The following ALG9 variants were observed in gnomAD, a reference collection of about 807,000 sequenced individuals.
ALG9 encodes the protein ALG9 alpha-1,2-mannosyltransferase.
Under a neutral mutation model 81.8 loss-of-function variants are expected in ALG9, and 55 were observed. That is an observed-to-expected ratio of 0.67 (90% CI 0.54 to 0.84). The LOEUF (loss-of-function observed/expected upper bound fraction) is 0.84, where lower values mean the gene tolerates loss of function less well. ALG9 is among the 40% of genes least tolerant of loss of function. ALG9 has a pLI of 0.00. For missense variants in ALG9, 629 were observed against 745.0 expected (o/e 0.84, Z 1.81); for synonymous variants, 278 against 274.3 (o/e 1.01, Z -0.13).
intron 14 of ALG9, among the ~76,000 whole-genome samples, chr11:111,796,699 GA>G (rs1948341091): frequency 6.6e-6 from 1 of 152,134 alleles, no homozygotes; most frequent in Non-Finnish European, 1.5e-5. Flanking sequence ...GATAGACAGT[GA>G]AACAGAAAGT....
At chr11:111,818,680 C>T (rs1951878689) in intron 13 of ALG9, among the ~76,000 whole-genome samples, 1 of 152,162 alleles carries the variant, frequency 6.6e-6, no homozygotes, top group Non-Finnish European at 1.5e-5. Context: ...CAATTATATT[C>T]TATTAATTAA....
At chr11:111,868,475 G>T in intron 3 of ALG9, 127 bp downstream of exon 3, 1 of 1,204,692 alleles carries the variant, frequency 8.3e-7, no homozygotes, top group Non-Finnish European at 1.2e-6. Flanking sequence ...TGGTGAATTG[G>T]ATAAATGATT....
At position 111,870,373 on chromosome 11, in the gene ALG9, GTTC is replaced by G; in HGVS notation, c.132-6_132-4del. 1 of 537,506 alleles carries G rather than the reference GTTC, an allele frequency of 1.9e-6. No individual in the cohort carries two copies. Among genetic ancestry groups the G allele is most frequent in the Non-Finnish European group, 2.8e-6 (1 of 363,548 alleles). 33.3% of individuals were successfully genotyped at this position (537,506 alleles called of 1,614,324 possible). ...GTCCTGCTTTGTTCCCAGATAACCT[GTTC>G]AAAAGCAAAAAAAAAAAAAAAAAAA... On this transcript the variant is annotated splice_region_variant and splice_polypyrimidine_tract_variant and intron_variant, in intron 1 of 14. Coordinates refer to ENST00000616540, the MANE Select transcript of ALG9 (RefSeq NM_024740.2).
intron 14 of ALG9, among the ~76,000 whole-genome samples, chr11:111,790,709 T>C (rs1947268476): frequency 6.6e-6 from 1 of 152,156 alleles, no homozygotes; most frequent in African/African-American, 2.4e-5. Flanking sequence ...ATGCAAATGG[T>C]TGATAAACAT....
intron 14 of ALG9, among the ~76,000 whole-genome samples, chr11:111,793,888 C>A (rs902486621): frequency 6.6e-6 from 1 of 152,014 alleles, no homozygotes; most frequent in Admixed American, 6.6e-5. Context: ...AAAACTCATA[C>A]AATAATGTCT....
At chr11:111,859,232 G>A (rs186885332) in intron 5 of ALG9, among the ~76,000 whole-genome samples, 90 of 152,244 alleles carry the variant, frequency 5.9e-4, no homozygotes, top group Non-Finnish European at 1.0e-4. Context: ...GGCCACGTGC[G>A]GTGGCTCACA....
intron 14 of ALG9, among the ~76,000 whole-genome samples, chr11:111,795,384 A>G (rs1414036592): frequency 2.0e-5 from 3 of 152,040 alleles, no homozygotes; most frequent in Non-Finnish European, 4.4e-5. Context: ...TAGAGTGGGG[A>G]GCTGGGGGGC....
At position 111,870,382 on chromosome 11, in the gene ALG9, CAA is replaced by C. The variant is rs60312459; in HGVS notation, c.132-14_132-13del. 0.082 allele frequency: 74,228 copies of C among 899,954 alleles called. 11 individuals carry two copies. Among genetic ancestry groups the C allele is most frequent in the East Asian group, 0.11 (1,790 of 16,736 alleles). The allele number at this position is 899,954 out of a possible 1,614,324, so 55.7% of individuals were successfully genotyped here. A position where few individuals can be genotyped will look rare whatever the true frequency, so the allele number is the denominator to read the frequency against. On this transcript the variant is annotated splice_polypyrimidine_tract_variant and intron_variant, in intron 1 of 14. Transcript: ENST00000616540. ...TGTTCCCAGATAACCTGTTCAAAAG[CAA>C]AAAAAAAAAAAAAAAAAAAAGCATG...
intron 14 of ALG9, chr11:111,788,709 T>C (rs1555067580): frequency 3.0e-6 from 1 of 332,686 alleles, no homozygotes; most frequent in African/African-American, 2.2e-5. Context: ...GCTGTGATCA[T>C]GCCACTACAC....
At chr11:111,843,688 A>G (rs1202257525) in intron 9 of ALG9, among the ~76,000 whole-genome samples, 1 of 152,204 alleles carries the variant, frequency 6.6e-6, no homozygotes, top group Non-Finnish European at 1.5e-5. Context: ...AAGAAATGAG[A>G]GGCACTAGAT....
rs782234377 is a variant in ALG9, at chr11:111,860,519, C to T, written c.565+28G>A. The T allele has an allele frequency of 1.0e-5, 16 of 1,595,488 alleles. 1 individual carries two copies. The Admixed American group carries it at 2.3e-4, about 23-fold the overall frequency. ...CTTTTACTTACCTGGTGATGACCTG[C>T]AATTCCCTCATCTGCCCTTTTACTT... On this transcript the variant is annotated intron_variant, in intron 5 of 14. Coordinates refer to ENST00000616540, the MANE Select transcript of ALG9 (RefSeq NM_024740.2).
intron 6 of ALG9, among the ~76,000 whole-genome samples, chr11:111,855,310 G>C (rs1328008875): frequency 6.6e-6 from 1 of 152,210 alleles, no homozygotes; most frequent in African/African-American, 2.4e-5. Flanking sequence ...CAACCTCCAT[G>C]ACATAAAGCA....
intron 11 of ALG9, 65 bp from the exon 12 acceptor site, chr11:111,837,680 C>T (rs1955546409): frequency 6.4e-7 from 1 of 1,559,362 alleles, no homozygotes; most frequent in Non-Finnish European, 8.8e-7. Context: ...TTTAATTATA[C>T]TGCTCATTAA....
intron 8 of ALG9, among the ~76,000 whole-genome samples, chr11:111,850,561 G>A (rs1957602475): frequency 6.6e-6 from 1 of 151,762 alleles, no homozygotes; most frequent in African/African-American, 2.4e-5. Flanking sequence ...ACAAAAATTA[G>A]CCAGGCATGG....
chr11:111,785,881 T>C lies in ALG9; in HGVS notation c.*516A>G, dbSNP rs1565546392. Reference sequence around the variant, plus strand: ...GCTGGAGGTGAAAAGGACATGTGGGTTGGCAACTAGGCTGTGTTCATTTTC... The same window carrying C: ...GCTGGAGGTGAAAAGGACATGTGGGCTGGCAACTAGGCTGTGTTCATTTTC... On this transcript the variant is annotated 3_prime_UTR_variant, in exon 15 of 15. Coordinates refer to ENST00000616540, the MANE Select transcript of ALG9 (RefSeq NM_024740.2). 5.3e-6 allele frequency: 2 copies of C among 374,048 alleles called. No homozygotes were observed. Among genetic ancestry groups the C allele is most frequent in the South Asian group, 2.0e-5 (1 of 49,284 alleles). 23.2% of individuals were successfully genotyped at this position (374,048 alleles called of 1,614,324 possible).
intron 14 of ALG9, among the ~76,000 whole-genome samples, chr11:111,799,601 C>G (rs1210234443): frequency 1.3e-5 from 2 of 152,090 alleles, no homozygotes; most frequent in African/African-American, 4.8e-5. Flanking sequence ...ATGGGCAAAT[C>G]CACATAGTAA....
rs782711099 is a variant in ALG9 at position 111,857,631 on chromosome 11, G to T, written c.672C>A (p.Ile224=). The change falls in exon 6 of 15, where the codon ATC becomes ATA. Residue 224 remains isoleucine (I), a synonymous_variant. Coordinates refer to ENST00000616540, the MANE Select transcript of ALG9 (RefSeq NM_024740.2). ...GAGCTGCACTGAATGGCCAGCCTAA[G>T]ATAGCCCCAGCTGCTACTCCCAGCA... ...IAVLGVAAGA[I]LGWPFSAALG... The T allele has an allele frequency of 1.9e-6, 3 of 1,614,148 alleles. No homozygotes were observed. The highest frequency in any genetic ancestry group is 2.5e-6 in the Non-Finnish European group (3 of 1,180,036).
intron 2 of ALG9, among the ~76,000 whole-genome samples, chr11:111,869,897 T>C (rs1418403187): frequency 6.6e-6 from 1 of 151,682 alleles, no homozygotes; most frequent in Non-Finnish European, 1.5e-5. Context: ...CTGTAAACTC[T>C]GCCTCCCATG....
At chr11:111,841,547 TGA>T (rs1956213289) in intron 9 of ALG9, among the ~76,000 whole-genome samples, 1 of 152,150 alleles carries the variant, frequency 6.6e-6, no homozygotes, top group African/African-American at 2.4e-5. Context: ...ACATGAGAAA[TGA>T]GAGATAAGCC....
Sources: gnomAD v4.1 joint callset for allele counts (sites outside exome capture counted in the v4.1 genomes callset) on GRCh38, gnomAD v4.1.1 for gene constraint, MANE v1.5 for transcripts, NCBI Gene and HGNC (gene_info 2026-07-23, HGNC 2026-07-21) for gene names.